Variants in HTR2C observed in about 807,000 individuals in gnomAD.
The protein encoded by HTR2C is 5-hydroxytryptamine receptor 2C.
HTR2C carries 5 observed loss-of-function variants against 21.0 expected under a neutral mutation model. That is an observed-to-expected ratio of 0.24 (90% CI 0.12 to 0.50). The LOEUF (loss-of-function observed/expected upper bound fraction) is 0.50. Among genes scored for constraint, HTR2C ranks in the 20% least tolerant of loss-of-function variants. The pLI is 0.98. For missense variants in HTR2C, 271 were observed against 371.2 expected, an observed-to-expected ratio of 0.73 and a Z score of 2.22; for synonymous variants, 150 against 145.3, an observed-to-expected ratio of 1.03 and a Z score of -0.23.
Position 114,767,189 on chromosome X carries a change from A to G in HTR2C, c.349+35582A>G, listed in dbSNP as rs782678016. Among the ~76,000 whole-genome samples the G allele has an allele frequency of 2.5e-4, 28 of 111,327 alleles. No homozygotes were observed. The South Asian group carries it at 0.01, about 40-fold the overall frequency. ...GATTTTATATTGCTGTTTTTTATGTAATTGATAAGATCATGACAAATGTGG... is the reference window on the plus strand; with the variant it reads ...GATTTTATATTGCTGTTTTTTATGTGATTGATAAGATCATGACAAATGTGG... On this transcript the variant is annotated intron_variant, in intron 4 of 5. Coordinates refer to ENST00000276198, the MANE Select transcript of HTR2C (RefSeq NM_000868.4).
rs374250488 is a variant in HTR2C, at chrX:114,726,919, C to T, written c.-18C>T. ...TCTTCTCAATTTTAAACTTTGGTTGCTTAAGACTGAAGCAATCATGGTGAA... is the reference window on the plus strand; with the variant it reads ...TCTTCTCAATTTTAAACTTTGGTTGTTTAAGACTGAAGCAATCATGGTGAA... On this transcript the variant is annotated 5_prime_UTR_variant, in exon 3 of 6. Coordinates refer to ENST00000276198, the MANE Select transcript of HTR2C (RefSeq NM_000868.4). 4.5e-5 allele frequency: 50 copies of T among 1,111,641 alleles called. No individual in the cohort carries two copies. Among genetic ancestry groups the T allele is most frequent in the African/African-American group, 4.3e-4 (23 of 52,884 alleles). The allele number at this position is 1,111,641 out of a possible 1,213,427, so 91.6% of individuals were successfully genotyped here. A position where few individuals can be genotyped will look rare whatever the true frequency, so the allele number is the denominator to read the frequency against.
chrX:114,655,975 T>C (rs2147838058), intron 2 of HTR2C, among the ~76,000 whole-genome samples: 1 of 111,303 alleles, frequency 9.0e-6, no homozygotes, highest in African/African-American at 3.2e-5. Flanking sequence ...GGTCAGTTTG[T>C]ACAAGAAAAT....
At chrX:114,891,974 T>G (rs782325779) in intron 5 of HTR2C, among the ~76,000 whole-genome samples, 29 of 111,190 alleles carry the variant, frequency 2.6e-4, no homozygotes, top group Non-Finnish European at 4.7e-4. Flanking sequence ...TTTCTTTGAC[T>G]GGTATACATT....
At chrX:114,647,597 A>C (rs1258029062) in intron 2 of HTR2C, among the ~76,000 whole-genome samples, 1 of 112,472 alleles carries the variant, frequency 8.9e-6, no homozygotes. Flanking sequence ...GAATGTTGTA[A>C]TATTTGTTAA....
chrX:114,645,078 C>T (rs1930312299), intron 2 of HTR2C, among the ~76,000 whole-genome samples: 1 of 110,871 alleles, frequency 9.0e-6, no homozygotes, highest in East Asian at 2.8e-4. Context: ...GAAAAGGCAG[C>T]ATTTCATACC....
At position 114,907,002 on chromosome X, in the gene HTR2C, A is replaced by T; in HGVS notation, c.964A>T (p.Ile322Phe). 8 of 1,211,247 alleles carry T rather than the reference A, an allele frequency of 6.6e-6. No individual in the cohort carries two copies. The highest frequency in any genetic ancestry group is 8.9e-6 in the Non-Finnish European group (8 of 895,263). Residue 322 changes from isoleucine (I) to phenylalanine (F), a missense_variant, in exon 6 of 6, where the codon ATC becomes TTC. This residue lies in a region of HTR2C where 192 missense variants were observed against 247.2 expected (regional missense o/e 0.78). Transcript: ENST00000276198. ...TGGGATTGTTTTCTTTGTGTTTCTG[A>T]TCATGTGGTGCCCATTTTTCATTAC... Reference protein sequence around the residue: ...VLGIVFFVFLIMWCPFFITNI... With the variant: ...VLGIVFFVFLFMWCPFFITNI...
At chrX:114,853,984 C>T (rs75364099) in intron 5 of HTR2C, among the ~76,000 whole-genome samples, 2 of 111,488 alleles carry the variant, frequency 1.8e-5, no homozygotes, top group South Asian at 3.7e-4. Flanking sequence ...TAGGTGGTGG[C>T]CACTCTGTCT....
intron 4 of HTR2C, among the ~76,000 whole-genome samples, chrX:114,817,710 T>C (rs1556455030): frequency 9.0e-6 from 1 of 111,198 alleles, no homozygotes; most frequent in African/African-American, 3.3e-5. Flanking sequence ...TAGAATGAGG[T>C]TGCAGCTCCT....
chrX:114,730,817 T>C (rs1253031601), intron 3 of HTR2C, among the ~76,000 whole-genome samples: 5 of 111,425 alleles, frequency 4.5e-5, no homozygotes, highest in Non-Finnish European at 7.5e-5. Flanking sequence ...GAATAGACTA[T>C]TACAGCAAAT....
intron 4 of HTR2C, among the ~76,000 whole-genome samples, chrX:114,841,786 A>T (rs1556465743): frequency 9.0e-6 from 1 of 111,691 alleles, no homozygotes; most frequent in Non-Finnish European, 1.9e-5. Context: ...TAATTTCGGC[A>T]CCAGCTCAAA....
At position 114,907,478 on chromosome X, in the gene HTR2C, A is replaced by G; in HGVS notation, c.*63A>G. ...CATATGTAGGAAAATTTTCTTCTTT[A>G]ATTTTTCTGTTGGTCTTAACTAATG... On this transcript the variant is annotated 3_prime_UTR_variant, in exon 6 of 6. Transcript: ENST00000276198. 3.5e-6 allele frequency: 3 copies of G among 865,420 alleles called. No homozygotes were observed. In the South Asian group the frequency reaches 7.1e-5, roughly 21 times the overall value. 71.3% of individuals were successfully genotyped at this position (865,420 alleles called of 1,213,427 possible).
intron 2 of HTR2C, among the ~76,000 whole-genome samples, chrX:114,654,962 G>A (rs1415433717): frequency 1.9e-5 from 2 of 107,946 alleles, no homozygotes; most frequent in African/African-American, 6.7e-5. Context: ...TTATCATTTG[G>A]TTATACTGGC....
chrX:114,606,480 C>T (rs1027740739), intron 1 of HTR2C, among the ~76,000 whole-genome samples: 19 of 111,430 alleles, frequency 1.7e-4, no homozygotes, highest in South Asian at 7.7e-4. Flanking sequence ...AGTCCGTGAC[C>T]GGCGCCGGAG....
chrX:114,907,268 G>A lies in HTR2C; in HGVS notation c.1230G>A (p.Glu410=), dbSNP rs200550483. Reference sequence around the variant, plus strand: ...CCGCCACTGCTTTGTCTGGGAGGGAGCTTAATGTTAACATTTATCGGCATA... The same window carrying A: ...CCGCCACTGCTTTGTCTGGGAGGGAACTTAATGTTAACATTTATCGGCATA... ...RVAATALSGR[E]LNVNIYRHTN... is the part of the protein sequence containing the mutation. Residue 410 remains glutamate (E), a synonymous_variant, in exon 6 of 6, where the codon GAG becomes GAA. Coordinates refer to ENST00000276198, the MANE Select transcript of HTR2C (RefSeq NM_000868.4). The A allele has an allele frequency of 8.3e-6, 10 of 1,209,390 alleles. No individual in the cohort carries two copies. Among genetic ancestry groups the A allele is most frequent in the Non-Finnish European group, 1.0e-5 (9 of 894,961 alleles).
intron 4 of HTR2C, among the ~76,000 whole-genome samples, chrX:114,839,989 T>C (rs1181766906): frequency 1.8e-5 from 2 of 110,883 alleles, no homozygotes; most frequent in Non-Finnish European, 3.8e-5. Flanking sequence ...CCAAGCTGAT[T>C]GCTGGAAAAA....
At chrX:114,671,541 C>T (rs1556411725) in intron 2 of HTR2C, among the ~76,000 whole-genome samples, 2 of 111,985 alleles carry the variant, frequency 1.8e-5, no homozygotes, top group Non-Finnish European at 1.9e-5. Context: ...TTTGCTTTAA[C>T]GTTTAATTCA....
intron 4 of HTR2C, among the ~76,000 whole-genome samples, chrX:114,829,977 T>C (rs1161590333): frequency 9.0e-6 from 1 of 111,662 alleles, no homozygotes; most frequent in African/African-American, 3.3e-5. Context: ...GATTAAATAT[T>C]TATTTTAGGA....
chrX:114,869,662 C>T (rs1026022707), intron 5 of HTR2C, among the ~76,000 whole-genome samples: 11 of 111,838 alleles, frequency 9.8e-5, no homozygotes, highest in Non-Finnish European at 1.9e-4. Context: ...ATATCTTTCT[C>T]TTGTCTGATT....
At chrX:114,655,815 GTTAA>G (rs1253611357) in intron 2 of HTR2C, among the ~76,000 whole-genome samples, 18 of 110,804 alleles carry the variant, frequency 1.6e-4, no homozygotes, top group African/African-American at 5.2e-4. Context: ...GATTTTACCT[GTTAA>G]TTAAGTTTAC....
Sources: allele counts gnomAD v4.1 joint callset (sites outside exome capture counted in the v4.1 genomes callset), GRCh38; gene constraint gnomAD v4.1.1; regional missense constraint gnomAD v4.1.1; transcripts MANE v1.5; gene names NCBI Gene and HGNC (gene_info 2026-07-23, HGNC 2026-07-21).